Variants in CDK14 observed in about 807,000 individuals in gnomAD.
CDK14 encodes the protein cyclin-dependent kinase 14.
CDK14 carries 34 observed loss-of-function variants against 60.7 expected under a neutral mutation model. The ratio of observed to expected loss-of-function variants is 0.56; its 90% CI spans 0.43 to 0.75. CDK14 has a LOEUF of 0.75. Ranked by LOEUF, CDK14 falls within the 30% of genes least tolerant of loss-of-function variation. CDK14 has a pLI of 0.00. For missense variants in CDK14, 482 were observed against 564.1 expected, an observed-to-expected ratio of 0.85 and a Z score of 1.47; for synonymous variants, 197 against 203.7, an observed-to-expected ratio of 0.97 and a Z score of 0.28.
At chr7:90,676,892 C>T (rs902153808) in intron 2 of CDK14, among the ~76,000 whole-genome samples, 1 of 151,764 alleles carries the variant, frequency 6.6e-6, no homozygotes, top group Admixed American at 6.6e-5. Context: ...ACAGCTAAAG[C>T]CAAAGAAACT....
At chr7:90,852,699 T>C (rs1459835775) in intron 5 of CDK14, among the ~76,000 whole-genome samples, 1 of 152,180 alleles carries the variant, frequency 6.6e-6, no homozygotes, top group Non-Finnish European at 1.5e-5. Flanking sequence ...GGAGGACAGG[T>C]ACAAGTGATA....
At chr7:91,192,945 C>T (rs1469428053) in intron 14 of CDK14, among the ~76,000 whole-genome samples, 1 of 152,174 alleles carries the variant, frequency 6.6e-6, no homozygotes, top group African/African-American at 2.4e-5. Context: ...GGTTTCTCCT[C>T]TCTTGAAGGA....
At chr7:90,731,627 T>A (rs1802869056) in intron 3 of CDK14, among the ~76,000 whole-genome samples, 1 of 152,124 alleles carries the variant, frequency 6.6e-6, no homozygotes, top group Non-Finnish European at 1.5e-5. Context: ...TCACTCATGA[T>A]TTGGCTGTCT....
chr7:91,088,416 A>C (rs1798701163), intron 12 of CDK14, among the ~76,000 whole-genome samples: 1 of 152,176 alleles, frequency 6.6e-6, no homozygotes. Flanking sequence ...ACAAAAATGC[A>C]CTGAAAAGCC....
intron 14 of CDK14, among the ~76,000 whole-genome samples, chr7:91,198,804 T>A (rs1312371441): frequency 6.6e-6 from 1 of 152,208 alleles, no homozygotes; most frequent in African/African-American, 2.4e-5. Context: ...CATGAAAAAC[T>A]GCTGCAATAC....
chr7:90,667,003 T>C (rs935521473), intron 2 of CDK14, among the ~76,000 whole-genome samples: 5 of 152,244 alleles, frequency 3.3e-5, no homozygotes, highest in African/African-American at 1.2e-4. Context: ...ATATTCTTTA[T>C]CATCTAACTT....
chr7:91,143,493 G>A (rs771212080), intron 14 of CDK14, among the ~76,000 whole-genome samples: 5 of 152,116 alleles, frequency 3.3e-5, no homozygotes, highest in African/African-American at 9.7e-5. Flanking sequence ...AGGCCGAGGA[G>A]GGAGGATCAC....
At chr7:91,098,921 A>G (rs1011344720) in intron 12 of CDK14, among the ~76,000 whole-genome samples, 1 of 152,196 alleles carries the variant, frequency 6.6e-6, no homozygotes, top group Non-Finnish European at 1.5e-5. Flanking sequence ...TTATTGCATT[A>G]CTAAGTTATA....
chr7:90,982,586 T>C (rs931584969), intron 9 of CDK14, among the ~76,000 whole-genome samples: 1 of 152,222 alleles, frequency 6.6e-6, no homozygotes, highest in African/African-American at 2.4e-5. Context: ...GAGACTACAA[T>C]ACTTTATAAG....
chr7:90,971,653 TAAAAAAA>T (rs35135401), intron 9 of CDK14, among the ~76,000 whole-genome samples: 1 of 119,540 alleles, frequency 8.4e-6, no homozygotes, highest in Non-Finnish European at 1.7e-5. Flanking sequence ...ATATACATAG[TAAAAAAA>T]AAAAAAAAAA....
intron 5 of CDK14, among the ~76,000 whole-genome samples, chr7:90,808,084 G>A (rs1284249982): frequency 6.6e-6 from 1 of 152,150 alleles, no homozygotes; most frequent in African/African-American, 2.4e-5. Context: ...AGCAAGGCAG[G>A]CCAACGTTCA....
intron 4 of CDK14, among the ~76,000 whole-genome samples, chr7:90,778,416 T>G (rs1382371465): frequency 6.6e-6 from 1 of 152,220 alleles, no homozygotes; most frequent in African/African-American, 2.4e-5. Flanking sequence ...CTGGTGAGAA[T>G]AGCCACCAAG....
chr7:91,070,740 C>A (rs574617139), intron 11 of CDK14, among the ~76,000 whole-genome samples: 129 of 150,890 alleles, frequency 8.5e-4, no homozygotes, highest in Non-Finnish European at 1.3e-3. Context: ...GCCTGGGTGA[C>A]AGAGCAAGAC....
chr7:90,677,102 A>G (rs1416950369), intron 2 of CDK14, among the ~76,000 whole-genome samples: 10 of 152,226 alleles, frequency 6.6e-5, no homozygotes, highest in Admixed American at 6.5e-4. Context: ...AATTTGATAC[A>G]TCACTGTTTA....
At chr7:90,917,530 T>C (rs1454179847) in intron 7 of CDK14, 71 bp from the exon 8 acceptor site, 27 of 1,489,774 alleles carry the variant, frequency 1.8e-5, no homozygotes, top group Non-Finnish European at 2.4e-5. Context: ...ATACAAGTAC[T>C]TAGCAGACTG....
chr7:90,768,062 T>G (rs1296287324), intron 4 of CDK14, among the ~76,000 whole-genome samples: 2 of 152,262 alleles, frequency 1.3e-5, no homozygotes, highest in Non-Finnish European at 2.9e-5. Context: ...CAGATACAAC[T>G]TTCTTAAATT....
intron 10 of CDK14, among the ~76,000 whole-genome samples, chr7:91,038,869 C>T (rs1797004533): frequency 6.6e-6 from 1 of 152,202 alleles, no homozygotes; most frequent in Non-Finnish European, 1.5e-5. Flanking sequence ...ATGTTACTTG[C>T]TCCTCCTTGC....
chr7:91,106,980 A>T (rs1422991356), intron 12 of CDK14, among the ~76,000 whole-genome samples: 1 of 152,198 alleles, frequency 6.6e-6, no homozygotes, highest in Non-Finnish European at 1.5e-5. Flanking sequence ...CAGCTCCATG[A>T]GAGGGGTTAA....
intron 12 of CDK14, among the ~76,000 whole-genome samples, chr7:91,092,387 C>A (rs1011461053): frequency 2.0e-5 from 3 of 152,166 alleles, no homozygotes; most frequent in African/African-American, 7.2e-5. Context: ...AATAATTTGA[C>A]CAGCCTCTTG....
Sources: allele counts gnomAD v4.1 joint callset (sites outside exome capture counted in the v4.1 genomes callset), GRCh38; gene constraint gnomAD v4.1.1; transcripts MANE v1.5; gene names NCBI Gene and HGNC (gene_info 2026-07-23, HGNC 2026-07-21).